KLHL1: variants seen among roughly 807,000 people sequenced by gnomAD.
The protein encoded by KLHL1 is kelch like family member 1, also known as kelch-like protein 1.
A neutral mutation model predicts 77.7 loss-of-function variants in KLHL1; 47 were observed. That is an observed-to-expected ratio of 0.60 (90% CI 0.48 to 0.77). The LOEUF (loss-of-function observed/expected upper bound fraction) is 0.77. Ranked by LOEUF, KLHL1 falls within the 30% of genes least tolerant of loss-of-function variation. The probability of loss-of-function intolerance (pLI) is 0.00; values close to 1 mark genes in which losing one functional copy is unlikely to be tolerated. For synonymous variants in KLHL1, 360 were observed against 325.2 expected (o/e 1.11, Z -1.15); for missense variants, 925 against 910.8 (o/e 1.02, Z -0.20).
At chr13:70,058,063 TAAAAATCAG>T (rs1886792825) in intron 1 of KLHL1, among the ~76,000 whole-genome samples, 2 of 152,038 alleles carry the variant, frequency 1.3e-5, no homozygotes, top group South Asian at 4.2e-4. Context: ...TAAAAACACT[TAAAAATCAG>T]ATGATAGAAG....
At chr13:69,703,851 G>A (rs1875510487) in intron 10 of KLHL1, among the ~76,000 whole-genome samples, 1 of 151,652 alleles carries the variant, frequency 6.6e-6, no homozygotes, top group Admixed American at 6.6e-5. Flanking sequence ...TGTGTAGTAG[G>A]CCATACCATC....
intron 6 of KLHL1, among the ~76,000 whole-genome samples, chr13:69,837,646 G>GACACA (rs1879067376): frequency 1.2e-4 from 15 of 128,056 alleles, no homozygotes; most frequent in African/African-American, 4.9e-4. Context: ...ATATATATGT[G>GACACA]TATATATATA....
At chr13:70,069,171 A>G (rs954325135) in intron 1 of KLHL1, among the ~76,000 whole-genome samples, 1 of 152,182 alleles carries the variant, frequency 6.6e-6, no homozygotes, top group African/African-American at 2.4e-5. Context: ...AGCTCCCACA[A>G]GCCCCATACG....
chr13:69,905,013 AG>A (rs1882000513), intron 4 of KLHL1, among the ~76,000 whole-genome samples: 1 of 152,154 alleles, frequency 6.6e-6, no homozygotes, highest in Non-Finnish European at 1.5e-5. Flanking sequence ...GAAAATTAAG[AG>A]AGCATTGAAA....
chr13:70,059,142 G>T (rs1480239530), intron 1 of KLHL1, among the ~76,000 whole-genome samples: 1 of 150,188 alleles, frequency 6.7e-6, no homozygotes, highest in Non-Finnish European at 1.5e-5. Context: ...ACATGGGAAT[G>T]GACAAATATT....
At chr13:70,071,079 T>C (rs563447288) in intron 1 of KLHL1, among the ~76,000 whole-genome samples, 1 of 152,130 alleles carries the variant, frequency 6.6e-6, no homozygotes, top group African/African-American at 2.4e-5. Flanking sequence ...TCACTTTAAA[T>C]ATGAATATTC....
chr13:69,837,632 A>G lies in KLHL1; in HGVS notation c.1414+1344T>C, dbSNP rs188218273. Among the ~76,000 whole-genome samples the G allele has an allele frequency of 2.6e-3, 351 of 135,564 alleles. 27 individuals are homozygous for G. Among genetic ancestry groups the G allele is most frequent in the African/African-American group, 9.7e-3 (322 of 33,124 alleles). The allele number at this position is 135,564 out of a possible 152,430, so 88.9% of individuals were successfully genotyped here. A position where few individuals can be genotyped will look rare whatever the true frequency, so the allele number is the denominator to read the frequency against. ...TCTCTCTCTATATATATGTGTGTGTATATATATATATGTGTATATATATAT... is the reference window on the plus strand; with the variant it reads ...TCTCTCTCTATATATATGTGTGTGTGTATATATATATGTGTATATATATAT... On this transcript the variant is annotated intron_variant, in intron 6 of 10. Transcript: ENST00000377844.
chr13:69,929,147 A>C lies in KLHL1; in HGVS notation c.1014+10893T>G, dbSNP rs116231963. On this transcript the variant is annotated intron_variant, in intron 4 of 10. Transcript: ENST00000377844. Reference sequence around the variant, plus strand: ...GTAGAATCATAAGCTGCAAAGAACCACAAAGGACCATTTTGGCGATCTTAA... The same window carrying C: ...GTAGAATCATAAGCTGCAAAGAACCCCAAAGGACCATTTTGGCGATCTTAA... Among the ~76,000 whole-genome samples, 511 of 152,182 alleles carry C rather than the reference A, an allele frequency of 3.4e-3. 4 individuals carry two copies. Among genetic ancestry groups the C allele is most frequent in the African/African-American group, 0.012 (496 of 41,558 alleles).
At chr13:69,762,749 T>A (rs73210485) in intron 7 of KLHL1, among the ~76,000 whole-genome samples, 2 of 149,840 alleles carry the variant, frequency 1.3e-5, no homozygotes, top group East Asian at 4.0e-4. Context: ...ATCATGAGAC[T>A]CTTACCTCAA....
At chr13:69,877,920 T>G (rs1456855540) in intron 5 of KLHL1, among the ~76,000 whole-genome samples, 1 of 152,146 alleles carries the variant, frequency 6.6e-6, no homozygotes, top group Non-Finnish European at 1.5e-5. Flanking sequence ...CTCTGTGTAC[T>G]TAAGAAATAA....
intron 9 of KLHL1, among the ~76,000 whole-genome samples, chr13:69,708,203 T>C (rs1875715013): frequency 6.6e-6 from 1 of 152,064 alleles, no homozygotes; most frequent in Admixed American, 6.6e-5. Flanking sequence ...AGATGAAGTT[T>C]CCTTTAAACC....
At position 69,911,066 on chromosome 13, in the gene KLHL1, G is replaced by A. The variant is rs577570602; in HGVS notation, c.1015-28571C>T. 2.6e-5 allele frequency among the ~76,000 whole-genome samples: 4 copies of A among 152,178 alleles called. No homozygotes were observed. In the East Asian group the frequency reaches 5.8e-4, roughly 22 times the overall value. ...ATCAGACAACCCAGAAGGTACACTA[G>A]ACAACTGCTAGCATTCCCTAGAATT... On this transcript the variant is annotated intron_variant, in intron 4 of 10. Coordinates refer to ENST00000377844, the MANE Select transcript of KLHL1 (RefSeq NM_020866.3).
chr13:69,786,438 C>T (rs1462285828), intron 7 of KLHL1, among the ~76,000 whole-genome samples: 1 of 152,058 alleles, frequency 6.6e-6, no homozygotes, highest in African/African-American at 2.4e-5. Flanking sequence ...CAGAAAAGGC[C>T]TTTGACAAAA....
At chr13:70,089,443 T>C (rs1278495065) in intron 1 of KLHL1, among the ~76,000 whole-genome samples, 2 of 152,164 alleles carry the variant, frequency 1.3e-5, no homozygotes, top group East Asian at 3.9e-4. Context: ...GCTAATTTCT[T>C]GGCCAACATA....
chr13:69,985,058 GC>G (rs1422048049), intron 1 of KLHL1, among the ~76,000 whole-genome samples: 1 of 152,136 alleles, frequency 6.6e-6, no homozygotes, highest in African/African-American at 2.4e-5. Flanking sequence ...TTTGCAGTGA[GC>G]CGAGATTGCA....
intron 4 of KLHL1, among the ~76,000 whole-genome samples, chr13:69,903,265 C>G (rs1881932285): frequency 6.6e-6 from 1 of 152,108 alleles, no homozygotes; most frequent in African/African-American, 2.4e-5. Flanking sequence ...GCAGCCAGAA[C>G]CCACCACACC....
intron 7 of KLHL1, among the ~76,000 whole-genome samples, chr13:69,766,782 G>C (rs1045102329): frequency 6.6e-6 from 1 of 152,078 alleles, no homozygotes; most frequent in Non-Finnish European, 1.5e-5. Flanking sequence ...AGGTAAAAAT[G>C]GGGTTATTGT....
intron 1 of KLHL1, among the ~76,000 whole-genome samples, chr13:70,035,843 T>C (rs1230228137): frequency 6.6e-6 from 1 of 152,006 alleles, no homozygotes; most frequent in Non-Finnish European, 1.5e-5. Flanking sequence ...AAAATGGATA[T>C]GTCTAGTATT....
intron 8 of KLHL1, among the ~76,000 whole-genome samples, chr13:69,738,465 A>G (rs1225317116): frequency 6.6e-6 from 1 of 152,134 alleles, no homozygotes; most frequent in Non-Finnish European, 1.5e-5. Context: ...CTAAAGGGTT[A>G]TGTCCTAACT....
Sources: allele counts gnomAD v4.1 joint callset (sites outside exome capture counted in the v4.1 genomes callset), GRCh38; gene constraint gnomAD v4.1.1; transcripts MANE v1.5; gene names NCBI Gene and HGNC (gene_info 2026-07-23, HGNC 2026-07-21).